Variants in STYK1 observed in about 807,000 individuals in gnomAD.
STYK1 encodes tyrosine-protein kinase STYK1.
STYK1 carries 46 observed loss-of-function variants against 48.1 expected under a neutral mutation model. The observed-to-expected ratio is 0.96, with a 90% CI of 0.75 to 1.22. STYK1 has a LOEUF of 1.22. Ranked by LOEUF, STYK1 falls within the 50% of genes most tolerant of loss-of-function variation. The probability of loss-of-function intolerance (pLI) is 0.00; values close to 1 mark genes in which losing one functional copy is unlikely to be tolerated. For synonymous variants in STYK1, 188 were observed against 189.0 expected, an observed-to-expected ratio of 0.99 and a Z score of 0.04; for missense variants, 527 against 521.1, an observed-to-expected ratio of 1.01 and a Z score of -0.11.
chr12:10,626,221 T>C (rs777808681), intron 7 of STYK1, among the ~76,000 whole-genome samples: 2 of 152,178 alleles, frequency 1.3e-5, no homozygotes, highest in African/African-American at 4.8e-5. Context: ...AAAAATAGCA[T>C]GATATTGCCT....
chr12:10,637,581 T>C (rs1379824137), intron 1 of STYK1, among the ~76,000 whole-genome samples: 2 of 152,090 alleles, frequency 1.3e-5, no homozygotes, highest in African/African-American at 4.8e-5. Flanking sequence ...GACCTCGTGA[T>C]CCACCTGCCT....
In STYK1 at chr12:10,619,427, C is replaced by T. The variant is rs952315587; in HGVS notation, c.*717G>A. On this transcript the variant is annotated 3_prime_UTR_variant, in exon 11 of 11. Transcript: ENST00000075503. ...CTAGGCTTAGTCTCCTTAGTCTAAT[C>T]GGAACTAGGAAGCTAGCTTAATGAA... The T allele has an allele frequency of 6.6e-6, 1 of 152,046 alleles. No individual in the cohort carries two copies. Among genetic ancestry groups the T allele is most frequent in the Non-Finnish European group, 1.5e-5 (1 of 68,032 alleles). The allele number at this position is 152,046 out of a possible 1,614,324, so 9.4% of individuals were successfully genotyped here. A position where few individuals can be genotyped will look rare whatever the true frequency, so the allele number is the denominator to read the frequency against.
chr12:10,650,119 C>CAAAAAAAAAAAAA, intron 1 of STYK1, among the ~76,000 whole-genome samples: 1 of 51,294 alleles, frequency 1.9e-5, no homozygotes, highest in Non-Finnish European at 3.4e-5. Flanking sequence ...GACTCTGTCT[C>CAAAAAAAAAAAAA]AAAAAAAAAA....
rs999867422 is a variant in STYK1 at position 10,629,648 on chromosome 12, C to G, written c.478G>C (p.Asp160His). ...KEPAGLHEVQ[D>H]FLGRIQFHQY... is the part of the protein sequence containing the mutation. ...TGGAATTGGATTCGCCCTAAGAAAT[C>G]TTGTACCTCATGGAGCCCAGCTGGT... is the stretch of plus-strand genomic sequence containing the variant. The change falls in exon 6 of 11, where the codon GAT (aspartate) becomes CAT (histidine). Residue 160 changes from aspartate to histidine, a missense_variant. By Grantham distance (81) the Asp-to-His change is moderately conservative. Transcript: ENST00000075503. 6.2e-6 allele frequency: 10 copies of G among 1,614,162 alleles called. No homozygotes were observed. Among genetic ancestry groups the G allele is most frequent in the Non-Finnish European group, 8.5e-6 (10 of 1,180,034 alleles).
At chr12:10,624,892 C>T (rs1947339196) in intron 7 of STYK1, 33 bp from the exon 8 acceptor site, 8 of 1,593,344 alleles carry the variant, frequency 5.0e-6, no homozygotes, top group Non-Finnish European at 6.9e-6. Flanking sequence ...GATCAGCTGT[C>T]TGAGATCACA....
At chr12:10,638,117 T>G (rs1437601587) in intron 1 of STYK1, among the ~76,000 whole-genome samples, 2 of 152,254 alleles carry the variant, frequency 1.3e-5, no homozygotes, top group Non-Finnish European at 2.9e-5. Context: ...TCCATGGCAT[T>G]GGAATCAAGG....
At chr12:10,656,638 A>G (rs1947722391) in intron 1 of STYK1, among the ~76,000 whole-genome samples, 1 of 152,122 alleles carries the variant, frequency 6.6e-6, no homozygotes, top group Admixed American at 6.5e-5. Flanking sequence ...AAAAACAAAA[A>G]ACAAAAAACA....
intron 1 of STYK1, among the ~76,000 whole-genome samples, chr12:10,673,263 G>A (rs111948778): frequency 0.014 from 2,118 of 152,178 alleles, 45 homozygotes; most frequent in African/African-American, 0.049. Flanking sequence ...TGTAATCCCA[G>A]CTACTTGGGA....
chr12:10,656,632 A>C (rs1386075265), intron 1 of STYK1, among the ~76,000 whole-genome samples: 4 of 152,158 alleles, frequency 2.6e-5, no homozygotes, highest in East Asian at 1.9e-4. Context: ...CTCAAAAAAA[A>C]CAAAAAACAA....
At position 10,634,135 on chromosome 12, in the gene STYK1, G is replaced by A. The variant is rs200819034; in HGVS notation, c.53-11C>T. On this transcript the variant is annotated splice_polypyrimidine_tract_variant and intron_variant, in intron 3 of 10. Coordinates refer to ENST00000075503, the MANE Select transcript of STYK1 (RefSeq NM_018423.3). ...GCTTCTCCTGGATGACTGGGTAGGC[G>A]ATCACACAGGAAGAGAAGAGAATGA... The A allele has an allele frequency of 4.3e-5, 67 of 1,574,326 alleles. No individual in the cohort carries two copies. The highest frequency in any genetic ancestry group is 3.3e-4 in the Middle Eastern group (2 of 6,000).
intron 1 of STYK1, among the ~76,000 whole-genome samples, chr12:10,639,153 A>G (rs907779104): frequency 1.1e-4 from 17 of 152,288 alleles, no homozygotes; most frequent in African/African-American, 4.1e-4. Flanking sequence ...CAAAAAACAA[A>G]ACCAAAACAA....
At chr12:10,628,109 T>A (rs1442190296) in intron 6 of STYK1, among the ~76,000 whole-genome samples, 1 of 152,214 alleles carries the variant, frequency 6.6e-6, no homozygotes, top group Non-Finnish European at 1.5e-5. Context: ...ATGTCCCTTA[T>A]TCCATGTTAG....
chr12:10,630,055 GAGAGAGAGAGAGAGAGAGAGAGAGAGAGA>G (rs1947406676), intron 5 of STYK1, among the ~76,000 whole-genome samples: 7 of 23,298 alleles, frequency 3.0e-4, no homozygotes, highest in Admixed American at 6.2e-4. Flanking sequence ...GAGAGAGAGA[GAGAGAGAGAGAGAGAGAGAGAGAGAGAGA>G]GAGAGAGAAA....
chr12:10,653,229 T>A (rs1055712744), intron 1 of STYK1, among the ~76,000 whole-genome samples: 1 of 132,864 alleles, frequency 7.5e-6, no homozygotes, highest in African/African-American at 2.6e-5. Flanking sequence ...CCCACCACCA[T>A]GCCCAGCTAA....
chr12:10,669,018 G>A (rs111861913), intron 1 of STYK1, among the ~76,000 whole-genome samples: 1,887 of 152,178 alleles, frequency 0.012, 9 homozygotes, highest in African/African-American at 0.028. Context: ...AAAGGAAGAA[G>A]AAAAAGCATG....
intron 1 of STYK1, among the ~76,000 whole-genome samples, chr12:10,661,881 A>C (rs1484442962): frequency 6.6e-6 from 1 of 152,238 alleles, no homozygotes; most frequent in African/African-American, 2.4e-5. Flanking sequence ...CATATACCAT[A>C]AAATTTACCT....
At chr12:10,664,497 T>C (rs1041641247) in intron 1 of STYK1, among the ~76,000 whole-genome samples, 19 of 152,172 alleles carry the variant, frequency 1.2e-4, no homozygotes, top group African/African-American at 4.6e-4. Flanking sequence ...CAGAGAGTTC[T>C]ATGCCAAGGA....
intron 2 of STYK1, 33 bp from the exon 3 acceptor site, chr12:10,634,719 A>G (rs912748223): frequency 1.2e-5 from 16 of 1,357,766 alleles, no homozygotes; most frequent in Non-Finnish European, 1.5e-5. Context: ...AAAAAATAAA[A>G]TGAATGAAAA....
At chr12:10,661,880 T>C (rs1947780807) in intron 1 of STYK1, among the ~76,000 whole-genome samples, 1 of 152,224 alleles carries the variant, frequency 6.6e-6, no homozygotes, top group South Asian at 2.1e-4. Flanking sequence ...TCATATACCA[T>C]AAAATTTACC....
Sources: allele counts gnomAD v4.1 joint callset (sites outside exome capture counted in the v4.1 genomes callset), GRCh38; gene constraint gnomAD v4.1.1; transcripts MANE v1.5; gene names NCBI Gene and HGNC (gene_info 2026-07-23, HGNC 2026-07-21).